The following TOR1B variants were observed in gnomAD, a reference collection of about 807,000 sequenced individuals.
The protein encoded by TOR1B is torsin family 1 member B, also known as torsin-1B.
A neutral mutation model predicts 29.2 loss-of-function variants in TOR1B; 14 were observed. That is an observed-to-expected ratio of 0.48 (90% CI 0.32 to 0.75). TOR1B has a LOEUF of 0.75. Ranked by LOEUF, TOR1B falls within the 30% of genes least tolerant of loss-of-function variation. The probability of loss-of-function intolerance (pLI) is 0.04; values close to 1 mark genes in which losing one functional copy is unlikely to be tolerated. For synonymous variants in TOR1B, 166 were observed against 179.8 expected, an observed-to-expected ratio of 0.92 and a Z score of 0.62; for missense variants, 400 against 433.9, an observed-to-expected ratio of 0.92 and a Z score of 0.69.
Position 129,810,168 on chromosome 9 carries a change from G to T in TOR1B, c.*585G>T, listed in dbSNP as rs2030763041. 1 of 1,304,020 alleles carries T rather than the reference G, an allele frequency of 7.7e-7. No individual in the cohort carries two copies. The highest frequency in any genetic ancestry group is 1.2e-5 in the South Asian group (1 of 81,026). 80.8% of individuals were successfully genotyped at this position (1,304,020 alleles called of 1,614,324 possible). A position where few individuals can be genotyped will look rare whatever the true frequency, so the allele number is the denominator to read the frequency against. On this transcript the variant is annotated 3_prime_UTR_variant, in exon 5 of 5. Transcript: ENST00000259339. ...GGGTGGTTCTCACCAGCAGGCTGCG[G>T]GGCACTGTGTTCTCATTGGCCAAAA...
chr9:129,809,055 G>C, intron 4 of TOR1B, 23 bp downstream of exon 4: 1 of 1,589,072 alleles, frequency 6.3e-7, no homozygotes, highest in Non-Finnish European at 8.5e-7. Context: ...GGGTAAAGGA[G>C]CCCCTTAACT....
At chr9:129,809,182 C>G (rs2030684061) in intron 4 of TOR1B, 150 bp downstream of exon 4, 6 of 1,514,320 alleles carry the variant, frequency 4.0e-6, no homozygotes, top group Non-Finnish European at 5.3e-6. Context: ...GTGCTAGAAA[C>G]CAGTGAGTGA....
intron 3 of TOR1B, among the ~76,000 whole-genome samples, chr9:129,808,671 TC>T (rs2130993033): frequency 6.9e-6 from 1 of 144,684 alleles, no homozygotes; most frequent in East Asian, 2.3e-4. Context: ...CACCTCAGCC[TC>T]CCATGTAGCT....
rs749831116 is a variant in TOR1B, at chr9:129,809,089, TTTCA to T, written c.769+60_769+63del. On this transcript the variant is annotated intron_variant, in intron 4 of 4. Coordinates refer to ENST00000259339, the MANE Select transcript of TOR1B (RefSeq NM_014506.3). The stretch of plus-strand genomic sequence containing the variant: ...CTGTCCAGCAGTGAGCCGTCTGCTC[TTTCA>T]TTGAGTGTTTCACAAAGCCACAGGA... 5.4e-4 allele frequency: 838 copies of T among 1,550,686 alleles called. 1 individual carries two copies. The highest frequency in any genetic ancestry group is 6.6e-4 in the Non-Finnish European group (762 of 1,153,380).
At position 129,809,936 on chromosome 9, in the gene TOR1B, G is replaced by A; in HGVS notation, c.*353G>A. The A allele has an allele frequency of 8.4e-7, 1 of 1,193,098 alleles. No individual in the cohort carries two copies. The highest frequency in any genetic ancestry group is 1.1e-6 in the Non-Finnish European group (1 of 946,984). The allele number at this position is 1,193,098 out of a possible 1,614,324, so 73.9% of individuals were successfully genotyped here. ...ATTGCGCGCATTTGTCATTTAGCAA[G>A]ATGGCAGCAGTCCAGCTGTTCTTTG... On this transcript the variant is annotated 3_prime_UTR_variant, in exon 5 of 5. Coordinates refer to ENST00000259339, the MANE Select transcript of TOR1B (RefSeq NM_014506.3).
chr9:129,809,544 G>A lies in TOR1B; in HGVS notation c.972G>A (p.Lys324=). 4 of 1,614,168 alleles carry A rather than the reference G, an allele frequency of 2.5e-6. No individual in the cohort carries two copies. Among genetic ancestry groups the A allele is most frequent in the Non-Finnish European group, 3.4e-6 (4 of 1,180,032 alleles). The change falls in exon 5 of 5, where the codon AAG becomes AAA. Residue 324 remains lysine, a synonymous_variant. Transcript: ENST00000259339. Reference sequence around the variant, plus strand: ...GAGACGAGAAAATCTACTCAGACAAGGGCTGCAAGACTGTGCAGTCGCGGC... The same window carrying A: ...GAGACGAGAAAATCTACTCAGACAAAGGCTGCAAGACTGTGCAGTCGCGGC... ...FPRDEKIYSD[K]GCKTVQSRLD... is the part of the protein sequence containing the mutation.
At chr9:129,808,250 C>T (rs938742500) in intron 3 of TOR1B, among the ~76,000 whole-genome samples, 1 of 152,080 alleles carries the variant, frequency 6.6e-6, no homozygotes. Context: ...GTAATCCTAG[C>T]ACTTTGGGAG....
At chr9:129,803,483 C>T in intron 1 of TOR1B, 72 bp downstream of exon 1, 1 of 1,266,028 alleles carries the variant, frequency 7.9e-7, no homozygotes, top group Non-Finnish European at 9.9e-7. Context: ...GAGGGACGGC[C>T]TCGTGGGCGC....
intron 1 of TOR1B, among the ~76,000 whole-genome samples, chr9:129,803,827 G>A (rs1266147201): frequency 6.6e-6 from 1 of 152,196 alleles, no homozygotes; most frequent in Non-Finnish European, 1.5e-5. Flanking sequence ...CAAGCGCTCA[G>A]TCAAGCGATG....
At position 129,808,971 on chromosome 9, in the gene TOR1B, A is replaced by G. The variant is rs766709438; in HGVS notation, c.708A>G (p.Glu236=). Residue 236 remains glutamate (E), a synonymous_variant, in exon 4 of 5, where the codon GAA becomes GAG. Transcript: ENST00000259339. ...TTTGGCGGGCCGGAAGAAAGAGGGA[A>G]GACATTCAGCTGAAGGACCTGGAAC... The part of the protein sequence containing the change: ...LDFWRAGRKR[E]DIQLKDLEPV... The G allele has an allele frequency of 2.5e-6, 4 of 1,613,954 alleles. No individual in the cohort carries two copies. Among genetic ancestry groups the G allele is most frequent in the Non-Finnish European group, 2.5e-6 (3 of 1,179,886 alleles).
rs1433240741 is a variant in TOR1B at position 129,810,308 on chromosome 9, C to T, written c.*725C>T. On this transcript the variant is annotated 3_prime_UTR_variant, in exon 5 of 5. Coordinates refer to ENST00000259339, the MANE Select transcript of TOR1B (RefSeq NM_014506.3). ...TCTGACCGGAGGATGTGGCCGTGCC[C>T]GCCGAGCACTCTTGATCTGAGCTGA... 32 of 1,298,778 alleles carry T rather than the reference C, an allele frequency of 2.5e-5. No individual in the cohort carries two copies. The East Asian group carries it at 3.4e-4, about 14-fold the overall frequency. The allele number at this position is 1,298,778 out of a possible 1,614,324, so 80.5% of individuals were successfully genotyped here. A position where few individuals can be genotyped will look rare whatever the true frequency, so the allele number is the denominator to read the frequency against.
chr9:129,804,531 C>A (rs1463888798), intron 2 of TOR1B, 193 bp downstream of exon 2: 1 of 683,326 alleles, frequency 1.5e-6, no homozygotes, highest in Non-Finnish European at 2.4e-6. Context: ...CCAAAACAGT[C>A]CAGTGGGGTA....
At position 129,809,776 on chromosome 9, in the gene TOR1B, TCA is replaced by T. The variant is rs1457418060; in HGVS notation, c.*195_*196del. The T allele has an allele frequency of 9.2e-6, 13 of 1,412,306 alleles. No individual in the cohort carries two copies. Among genetic ancestry groups the T allele is most frequent in the Non-Finnish European group, 1.2e-5 (13 of 1,085,744 alleles). The allele number at this position is 1,412,306 out of a possible 1,614,324, so 87.5% of individuals were successfully genotyped here. ...GGAGTGCAGTGGTGCAATCCTCAAC[TCA>T]CTGCAACCTCCGCTCCCGGTTTGAG... On this transcript the variant is annotated 3_prime_UTR_variant, in exon 5 of 5. Transcript: ENST00000259339.
chr9:129,804,816 C>G (rs1221444857), intron 2 of TOR1B, among the ~76,000 whole-genome samples: 2 of 126,202 alleles, frequency 1.6e-5, no homozygotes, highest in Admixed American at 9.3e-5. Flanking sequence ...GAGCTGAGAT[C>G]GCGCCACCGT....
chr9:129,807,273 C>T lies in TOR1B; in HGVS notation c.551C>T (p.Pro184Leu). ...TTTGACGAGATGGATAAATTGCACC[C>T]CGGGATCATTGACGCAATCAAGCCG... ...FIFDEMDKLH[P>L]GIIDAIKPFL... Residue 184 changes from proline to leucine, a missense_variant, in exon 3 of 5, where the codon CCC becomes CTC. Pro to Leu is a moderately conservative substitution (Grantham distance 98, BLOSUM62 -3). Transcript: ENST00000259339. The T allele has an allele frequency of 6.2e-7, 1 of 1,614,108 alleles. No individual in the cohort carries two copies. Among genetic ancestry groups the T allele is most frequent in the Non-Finnish European group, 8.5e-7 (1 of 1,180,026 alleles).
chr9:129,804,315 G>A lies in TOR1B; in HGVS notation c.442G>A (p.Glu148Lys), dbSNP rs896163968. The A allele has an allele frequency of 6.2e-7, 1 of 1,613,680 alleles. No individual in the cohort carries two copies. Among genetic ancestry groups the A allele is most frequent in the Non-Finnish European group, 8.5e-7 (1 of 1,179,624 alleles). ...TGTATCGACTCTGCACTTCCCTCAT[G>A]AGCAGAAGATAAAACTGTACCAGGC... is the stretch of plus-strand genomic sequence containing the variant. ...LFVSTLHFPH[E>K]QKIKLYQDQL... The change falls in exon 2 of 5, where the codon GAG (glutamate) becomes AAG (lysine). Residue 148 changes from glutamate to lysine, a missense_variant. Physicochemically the swap from Glu to Lys is moderately conservative, Grantham distance 56 (BLOSUM62 1). Transcript: ENST00000259339.
At chr9:129,804,479 G>A in intron 2 of TOR1B, 141 bp downstream of exon 2, 1 of 1,072,224 alleles carries the variant, frequency 9.3e-7, no homozygotes, top group Non-Finnish European at 1.3e-6. Flanking sequence ...ACTTAGTCCA[G>A]GTAGTTACAA....
In TOR1B at chr9:129,808,920, C is replaced by G; in HGVS notation, c.657C>G (p.Asp219Glu). ...IFIFLSNAGGDLITKTALDFW... is the reference protein window; with the variant it reads ...IFIFLSNAGGELITKTALDFW... Reference sequence around the variant, plus strand: ...GCAAACTCAGCAATGCAGGCGGGGACCTTATAACTAAGACGGCTCTTGACT... The same window carrying G: ...GCAAACTCAGCAATGCAGGCGGGGAGCTTATAACTAAGACGGCTCTTGACT... Residue 219 changes from aspartate to glutamate, a missense_variant, in exon 4 of 5, where the codon GAC (aspartate) becomes GAG (glutamate). By Grantham distance (45) the Asp-to-Glu change is conservative (BLOSUM62 2). Coordinates refer to ENST00000259339, the MANE Select transcript of TOR1B (RefSeq NM_014506.3). The G allele has an allele frequency of 1.2e-6, 2 of 1,613,338 alleles. No homozygotes were observed. Among genetic ancestry groups the G allele is most frequent in the Non-Finnish European group, 1.7e-6 (2 of 1,179,806 alleles).
In TOR1B at chr9:129,809,459, G is replaced by A; in HGVS notation, c.887G>A (p.Gly296Asp). The A allele has an allele frequency of 6.2e-7, 1 of 1,614,220 alleles. No individual in the cohort carries two copies. Among genetic ancestry groups the A allele is most frequent in the Non-Finnish European group, 8.5e-7 (1 of 1,180,040 alleles). Residue 296 changes from glycine (G) to aspartate (D), a missense_variant, in exon 5 of 5, where the codon GGT becomes GAT. By Grantham distance (94) the Gly-to-Asp change is moderately conservative. Coordinates refer to ENST00000259339, the MANE Select transcript of TOR1B (RefSeq NM_014506.3). ...MCVRAEMRAR[G>D]SAIDEDIVTR... ...GTGAGGGCCGAGATGAGGGCCCGTGGTTCTGCCATAGATGAAGACATTGTC... is the reference window on the plus strand; with the variant it reads ...GTGAGGGCCGAGATGAGGGCCCGTGATTCTGCCATAGATGAAGACATTGTC...
Sources: gnomAD v4.1 joint callset for allele counts (sites outside exome capture counted in the v4.1 genomes callset) on GRCh38, gnomAD v4.1.1 for gene constraint, MANE v1.5 for transcripts, NCBI Gene and HGNC (gene_info 2026-07-23, HGNC 2026-07-21) for gene names.